HSD17B12: variants seen among roughly 807,000 people sequenced by gnomAD.
HSD17B12 encodes the protein very-long-chain 3-oxoacyl-CoA reductase.
In HSD17B12, 32 loss-of-function variants were observed where a neutral mutation model predicts 39.3. The ratio of observed to expected loss-of-function variants is 0.81; its 90% confidence interval spans 0.61 to 1.09. HSD17B12 has a LOEUF of 1.09. Among genes scored for constraint, HSD17B12 ranks in the 50% least tolerant of loss-of-function variants. The pLI is 0.00. For missense variants in HSD17B12, 342 were observed against 382.9 expected (o/e 0.89, Z 0.89); for synonymous variants, 150 against 146.7 (o/e 1.02, Z -0.16).
chr11:43,799,584 C>CA (rs749954029), intron 4 of HSD17B12, among the ~76,000 whole-genome samples: 6 of 151,686 alleles, frequency 4.0e-5, no homozygotes, highest in Non-Finnish European at 7.4e-5. Context: ...CATCTAGTTC[C>CA]AAAAAAAACT....
chr11:43,837,712 G>A (rs1490059826), intron 7 of HSD17B12, among the ~76,000 whole-genome samples: 1 of 152,076 alleles, frequency 6.6e-6, no homozygotes, highest in Non-Finnish European at 1.5e-5. Context: ...TACAACCCAG[G>A]GAAAGTAGAA....
intron 3 of HSD17B12, among the ~76,000 whole-genome samples, chr11:43,764,257 C>A (rs1215489476): frequency 6.6e-6 from 1 of 152,008 alleles, no homozygotes; most frequent in Non-Finnish European, 1.5e-5. Context: ...AGTTGTTAGC[C>A]AAATATCTGA....
chr11:43,699,604 G>C (rs1949944138), intron 1 of HSD17B12, among the ~76,000 whole-genome samples: 1 of 152,070 alleles, frequency 6.6e-6, no homozygotes, highest in East Asian at 1.9e-4. Flanking sequence ...CAAATTGTTT[G>C]TTAATGTTAC....
intron 1 of HSD17B12, among the ~76,000 whole-genome samples, chr11:43,706,581 C>A (rs186928522): frequency 6.6e-6 from 1 of 152,054 alleles, no homozygotes; most frequent in Non-Finnish European, 1.5e-5. Context: ...AGACTTTGGT[C>A]ATACACTATT....
chr11:43,783,150 G>A (rs1341029965), intron 3 of HSD17B12, among the ~76,000 whole-genome samples: 4 of 152,238 alleles, frequency 2.6e-5, no homozygotes, highest in African/African-American at 9.6e-5. Context: ...AATGCATTGG[G>A]TGATTCTGAC....
intron 9 of HSD17B12, chr11:43,853,333 G>A (rs1333077559): frequency 1.2e-4 from 8 of 69,042 alleles, no homozygotes; most frequent in South Asian, 6.7e-4. Flanking sequence ...CTGAGACTCT[G>A]TCTCAAAAAA....
At chr11:43,743,801 GATATTTTA>G (rs1950389668) in intron 1 of HSD17B12, among the ~76,000 whole-genome samples, 1 of 152,092 alleles carries the variant, frequency 6.6e-6, no homozygotes. Context: ...AACTCTAATC[GATATTTTA>G]ATGCAGCCAA....
chr11:43,620,108 G>A, the HSD17B12 span, among the ~76,000 whole-genome samples: 2 of 152,318 alleles, frequency 1.3e-5, no homozygotes, highest in Admixed American at 6.5e-5. Flanking sequence ...TTTGTAGTCA[G>A]CAAATCCGGA....
Position 43,816,344 on chromosome 11 carries a change from C to T in HSD17B12, c.457-3C>T, listed in dbSNP as rs1951122732. On this transcript the variant is annotated splice_region_variant and splice_polypyrimidine_tract_variant and intron_variant, in intron 5 of 10. Transcript: ENST00000278353. The stretch of plus-strand genomic sequence containing the variant: ...ATATAAAATTCTCAATATTTTTTTG[C>T]AGGTGATCAAGAAAATGATAAATAT... 2.0e-6 allele frequency: 3 copies of T among 1,493,438 alleles called. No homozygotes were observed. Among genetic ancestry groups the T allele is most frequent in the East Asian group, 2.6e-5 (1 of 39,070 alleles). 92.5% of individuals were successfully genotyped at this position (1,493,438 alleles called of 1,614,324 possible).
rs1018547867 is a variant in HSD17B12, at chr11:43,805,643, ATTGT to A, written c.391+7220_391+7223del. ...AGGGTTATAAGAGGATCATGGGATG[ATTGT>A]TTGGGAAAAGGGCAGGATATAACTT... On this transcript the variant is annotated intron_variant, in intron 4 of 10. Coordinates refer to ENST00000278353, the MANE Select transcript of HSD17B12 (RefSeq NM_016142.3). 4.7e-4 allele frequency among the ~76,000 whole-genome samples: 72 copies of A among 152,304 alleles called. 1 individual carries two copies. The highest frequency in any genetic ancestry group is 1.7e-3 in the African/African-American group (71 of 41,560).
At chr11:43,636,755 T>C in the HSD17B12 span, among the ~76,000 whole-genome samples, 1 of 152,190 alleles carries the variant, frequency 6.6e-6, no homozygotes, top group Non-Finnish European at 1.5e-5. Context: ...TCTATAGATA[T>C]TCTTTTTGTT....
At chr11:43,750,255 T>G (rs1033844823) in intron 1 of HSD17B12, among the ~76,000 whole-genome samples, 1 of 152,018 alleles carries the variant, frequency 6.6e-6, no homozygotes, top group Non-Finnish European at 1.5e-5. Context: ...TATCCAGAGA[T>G]AACCAGTATT....
chr11:43,745,902 C>T (rs1950408052), intron 1 of HSD17B12, among the ~76,000 whole-genome samples: 1 of 151,934 alleles, frequency 6.6e-6, no homozygotes, highest in Non-Finnish European at 1.5e-5. Context: ...TGTAGCTACA[C>T]GGGGGGCTAA....
Position 43,771,831 on chromosome 11 carries a change from C to T in HSD17B12, c.283+17710C>T, listed in dbSNP as rs561809719. 7.9e-5 allele frequency among the ~76,000 whole-genome samples: 12 copies of T among 152,174 alleles called. No homozygotes were observed. In the East Asian group the frequency reaches 2.3e-3, roughly 29 times the overall value. On this transcript the variant is annotated intron_variant, in intron 3 of 10. Transcript: ENST00000278353. The stretch of plus-strand genomic sequence containing the variant: ...GCTGTTTCTTTCAAGATCTTTGGTA[C>T]TGAGATACCGAGTACATTTCTCAAG...
intron 1 of HSD17B12, among the ~76,000 whole-genome samples, chr11:43,690,404 A>ATTTTTTTTTTTT (rs1206545700): frequency 1.1e-3 from 27 of 24,948 alleles, no homozygotes; most frequent in Non-Finnish European, 1.6e-3. Context: ...ATATATATAT[A>ATTTTTTTTTTTT]TTTTTTTTTT....
chr11:43,648,398 A>T, the HSD17B12 span, among the ~76,000 whole-genome samples: 2 of 152,066 alleles, frequency 1.3e-5, no homozygotes, highest in Non-Finnish European at 2.9e-5. Flanking sequence ...AACCAAATTC[A>T]CAAAGTTCCA....
At chr11:43,577,070 C>G in the HSD17B12 span, among the ~76,000 whole-genome samples, 3 of 152,206 alleles carry the variant, frequency 2.0e-5, no homozygotes, top group Non-Finnish European at 4.4e-5. Context: ...AAAATCTCTA[C>G]TCCTTTGACA....
At chr11:43,609,797 C>G in the HSD17B12 span, among the ~76,000 whole-genome samples, 2 of 152,210 alleles carry the variant, frequency 1.3e-5, no homozygotes, top group Non-Finnish European at 2.9e-5. Flanking sequence ...GTCATTTTCC[C>G]TCTCTGGAAC....
chr11:43,649,277 G>A, the HSD17B12 span, among the ~76,000 whole-genome samples: 1 of 151,886 alleles, frequency 6.6e-6, no homozygotes, highest in Non-Finnish European at 1.5e-5. Context: ...GTAATGTAAT[G>A]GAGTTAATTT....
Sources: allele counts gnomAD v4.1 joint callset (sites outside exome capture counted in the v4.1 genomes callset), GRCh38; gene constraint gnomAD v4.1.1; transcripts MANE v1.5; gene names NCBI Gene and HGNC (gene_info 2026-07-23, HGNC 2026-07-21).